CTCFL: variants seen among roughly 807,000 people sequenced by gnomAD.
CTCFL encodes transcriptional repressor CTCFL.
In CTCFL, 36 loss-of-function variants were observed where a neutral mutation model predicts 67.4. The observed-to-expected ratio is 0.53, with a 90% CI of 0.41 to 0.71. The LOEUF is 0.71. Among genes scored for constraint, CTCFL ranks in the 30% least tolerant of loss-of-function variants. CTCFL has a pLI of 0.00. For missense variants in CTCFL, 786 were observed against 835.2 expected (o/e 0.94, Z 0.73); for synonymous variants, 324 against 302.3 (o/e 1.07, Z -0.75).
At chr20:57,502,631 TG>T (rs1296151741) in intron 10 of CTCFL, among the ~76,000 whole-genome samples, 2 of 152,110 alleles carry the variant, frequency 1.3e-5, no homozygotes, top group Admixed American at 6.5e-5. Context: ...ATGGAGAAGG[TG>T]AACAGTGCAG....
At chr20:57,510,624 G>A (rs996968176) in intron 8 of CTCFL, among the ~76,000 whole-genome samples, 2 of 152,228 alleles carry the variant, frequency 1.3e-5, no homozygotes, top group African/African-American at 4.8e-5. Flanking sequence ...AGCACTTTGG[G>A]AGGCCGAGGC....
intron 3 of CTCFL, among the ~76,000 whole-genome samples, 184 bp downstream of exon 3, chr20:57,522,884 G>C (rs954014513): frequency 1.3e-5 from 2 of 152,204 alleles, no homozygotes; most frequent in African/African-American, 2.4e-5. Context: ...ACGTTTGTGT[G>C]TAAAGTGCAA....
chr20:57,524,389 G>C (rs2069688434), intron 1 of CTCFL, 173 bp from the exon 2 acceptor site: 2 of 1,436,602 alleles, frequency 1.4e-6, no homozygotes, highest in East Asian at 2.5e-5. Flanking sequence ...GGTCTAGGAG[G>C]GGGTCAAGGC....
In CTCFL at chr20:57,522,308, T is replaced by C. The variant is rs1193472659; in HGVS notation, c.754+760A>G. ...CTGTGCCAAGTGTTGCCAGATATAA[T>C]TTAAAAGAGCTAGAAATTGAAATTT... On this transcript the variant is annotated intron_variant, in intron 3 of 10. Transcript: ENST00000243914. Among the ~76,000 whole-genome samples, 3 of 152,188 alleles carry C rather than the reference T, an allele frequency of 2.0e-5. No homozygotes were observed. The East Asian group carries it at 5.8e-4, about 29-fold the overall frequency.
At chr20:57,506,614 C>T (rs768038998) in intron 9 of CTCFL, 2 of 201,348 alleles carry the variant, frequency 9.9e-6, no homozygotes, top group Non-Finnish European at 1.8e-5. Context: ...GATACTTTAC[C>T]TGTTTTTCAT....
chr20:57,503,295 G>T, intron 10 of CTCFL, 141 bp downstream of exon 10: 2 of 952,838 alleles, frequency 2.1e-6, no homozygotes, highest in Non-Finnish European at 3.2e-6. Flanking sequence ...GAGAGATCTG[G>T]CACAAGCCAC....
At chr20:57,503,746 A>G (rs912267550) in intron 9 of CTCFL, 145 bp from the exon 10 acceptor site, 1 of 778,124 alleles carries the variant, frequency 1.3e-6, no homozygotes, top group Non-Finnish European at 2.0e-6. Flanking sequence ...GCTAGCCCTA[A>G]GAAGTAAATA....
intron 1 of CTCFL, 157 bp downstream of exon 1, chr20:57,524,871 C>T (rs2069748233): frequency 5.5e-6 from 3 of 544,514 alleles, no homozygotes; most frequent in Non-Finnish European, 7.0e-6. Flanking sequence ...TTACCCTGCC[C>T]CCCACGCCCC....
intron 5 of CTCFL, among the ~76,000 whole-genome samples, chr20:57,518,017 A>G (rs960510721): frequency 5.9e-5 from 9 of 152,228 alleles, no homozygotes; most frequent in Non-Finnish European, 8.8e-5. Context: ...AAATTTCCCA[A>G]TTTGTGAAAC....
At chr20:57,522,493 G>C (rs1284657510) in intron 3 of CTCFL, among the ~76,000 whole-genome samples, 2 of 151,966 alleles carry the variant, frequency 1.3e-5, no homozygotes, top group Non-Finnish European at 2.9e-5. Flanking sequence ...TCCTAATCTG[G>C]ACCCATCCAC....
intron 8 of CTCFL, among the ~76,000 whole-genome samples, chr20:57,509,076 G>C (rs1443485337): frequency 6.6e-6 from 1 of 152,174 alleles, no homozygotes. Context: ...GGCGTGAAAG[G>C]ATGGTCCTTT....
chr20:57,504,423 G>A (rs1248314049), intron 9 of CTCFL, among the ~76,000 whole-genome samples: 1 of 151,640 alleles, frequency 6.6e-6, no homozygotes, highest in Non-Finnish European at 1.5e-5. Context: ...GGGACTACAG[G>A]CGAGTGCCAC....
Position 57,497,507 on chromosome 20 carries a change from C to T in CTCFL, c.*1043G>A, listed in dbSNP as rs1305700273. 14 of 985,194 alleles carry T rather than the reference C, an allele frequency of 1.4e-5. No homozygotes were observed. The highest frequency in any genetic ancestry group is 1.7e-5 in the Non-Finnish European group (14 of 829,902). 61.0% of individuals were successfully genotyped at this position (985,194 alleles called of 1,614,324 possible). On this transcript the variant is annotated 3_prime_UTR_variant, in exon 11 of 11. Coordinates refer to ENST00000243914, the MANE Select transcript of CTCFL (RefSeq NM_001386993.1). The stretch of plus-strand genomic sequence containing the variant: ...CAGGTTGGCAGCAAAACAAACTGCT[C>T]AACTAAGCAATGAAGAAAAATCTGC...
rs1353466867 is a variant in CTCFL at position 57,497,363 on chromosome 20, A to G, written c.*1187T>C. The G allele has an allele frequency of 2.0e-6, 2 of 985,176 alleles. No homozygotes were observed. The highest frequency in any genetic ancestry group is 1.2e-6 in the Non-Finnish European group (1 of 829,814). The allele number at this position is 985,176 out of a possible 1,614,324, so 61.0% of individuals were successfully genotyped here. ...ATAATGCTCTTCCTGCTGGGAAATT[A>G]TTTCCACATATTCACATTGTATAGG... On this transcript the variant is annotated 3_prime_UTR_variant, in exon 11 of 11. Transcript: ENST00000243914.
chr20:57,523,187 C>A lies in CTCFL; in HGVS notation c.635G>T (p.Ser212Ile), dbSNP rs1568885183. 6.2e-7 allele frequency: 1 copy of A among 1,614,056 alleles called. No homozygotes were observed. Among genetic ancestry groups the A allele is most frequent in the Non-Finnish European group, 8.5e-7 (1 of 1,180,004 alleles). Residue 212 changes from serine to isoleucine, a missense_variant, in exon 3 of 11, where the codon AGT becomes ATT. Physicochemically the swap from Ser to Ile is moderately radical, Grantham distance 142. This residue lies in a region of CTCFL where 333 missense variants were observed against 304.6 expected (regional missense o/e 1.09). Coordinates refer to ENST00000243914, the MANE Select transcript of CTCFL (RefSeq NM_001386993.1). ...FVETMSGDERSDEIVLTVSNS... is the reference protein window; with the variant it reads ...FVETMSGDERIDEIVLTVSNS... The stretch of plus-strand genomic sequence containing the variant: ...TGAAACTGTGAGAACAATTTCGTCA[C>A]TTCTTTCATCTCCTGACATTGTTTC...
At chr20:57,519,529 G>C in intron 3 of CTCFL, 152 bp from the exon 4 acceptor site, 1 of 688,224 alleles carries the variant, frequency 1.5e-6, no homozygotes, top group Non-Finnish European at 2.5e-6. Flanking sequence ...AGCAATTCAG[G>C]ACACCATGTT....
At chr20:57,511,926 A>C (rs1176679720) in intron 8 of CTCFL, among the ~76,000 whole-genome samples, 1 of 152,124 alleles carries the variant, frequency 6.6e-6, no homozygotes, top group African/African-American at 2.4e-5. Context: ...ATGTCCACCA[A>C]CGCCCAATGA....
In CTCFL at chr20:57,523,833, C is replaced by T. The variant is rs2069604064; in HGVS notation, c.373G>A (p.Gly125Arg). Residue 125 changes from glycine (G) to arginine (R), a missense_variant, in exon 2 of 11, where the codon GGG becomes AGG. This residue lies in a region of CTCFL where 333 missense variants were observed against 304.6 expected (regional missense o/e 1.09). Transcript: ENST00000243914. ...CACTGCTGCAGGCTCTGCCGGGGCC[C>T]TTCCTCAAGCCACAGCAACCCAGGG... is the stretch of plus-strand genomic sequence containing the variant. ...PGPGLLWLEEGPRQSLQQCVA... is the reference protein window; with the variant it reads ...PGPGLLWLEERPRQSLQQCVA... The T allele has an allele frequency of 6.2e-7, 1 of 1,613,142 alleles. No individual in the cohort carries two copies. Among genetic ancestry groups the T allele is most frequent in the Non-Finnish European group, 8.5e-7 (1 of 1,180,048 alleles).
At chr20:57,516,063 GAGC>G (rs980537976) in intron 5 of CTCFL, among the ~76,000 whole-genome samples, 2 of 152,174 alleles carry the variant, frequency 1.3e-5, no homozygotes, top group Non-Finnish European at 2.9e-5. Context: ...TAGGGAAAAT[GAGC>G]AGCAGTTCTG....
Sources: gnomAD v4.1 joint callset for allele counts (sites outside exome capture counted in the v4.1 genomes callset) on GRCh38, gnomAD v4.1.1 for gene constraint, gnomAD v4.1.1 regional missense constraint, MANE v1.5 for transcripts, NCBI Gene and HGNC (gene_info 2026-07-23, HGNC 2026-07-21) for gene names.